Variants in ACACB observed in about 807,000 individuals in gnomAD.
ACACB encodes the protein acetyl-CoA carboxylase 2.
Under a neutral mutation model 278.8 loss-of-function variants are expected in ACACB, and 209 were observed. That is an observed-to-expected ratio of 0.75 (90% CI 0.67 to 0.84). ACACB has a LOEUF of 0.84. Among genes scored for constraint, ACACB ranks in the 40% least tolerant of loss-of-function variants. ACACB has a pLI of 0.00. For missense variants in ACACB, 2,850 were observed against 3,269.0 expected (o/e 0.87, Z 3.13); for synonymous variants, 1,174 against 1,285.6 (o/e 0.91, Z 1.86).
At chr12:109,206,074 A>G (rs2045497659) in intron 19 of ACACB, among the ~76,000 whole-genome samples, 1 of 152,134 alleles carries the variant, frequency 6.6e-6, no homozygotes, top group Non-Finnish European at 1.5e-5. Context: ...TAACTTTGGG[A>G]TTCAATAGAG....
intron 21 of ACACB, among the ~76,000 whole-genome samples, chr12:109,210,133 GTGTATATA>G (rs1406882146): frequency 1.7e-5 from 1 of 57,638 alleles, no homozygotes; most frequent in Non-Finnish European, 3.6e-5. Flanking sequence ...ACATGTATGT[GTGTATATA>G]TGTATATATA....
rs778545831 is a variant in ACACB, at chr12:109,265,162, G to A, written c.6995G>A (p.Arg2332His). The A allele has an allele frequency of 6.2e-5, 100 of 1,613,632 alleles. No individual in the cohort carries two copies. Among genetic ancestry groups the A allele is most frequent in the Middle Eastern group, 1.6e-4 (1 of 6,084 alleles). Residue 2332 changes from arginine to histidine, a missense_variant, in exon 51 of 53, where the codon CGC becomes CAC. This residue lies in a region of ACACB where 579 missense variants were observed against 684.6 expected (regional missense o/e 0.85). Transcript: ENST00000338432. ...ARTFLYWRLR[R>H]LLLEDQVKQE... Reference sequence around the variant, plus strand: ...ACCTTCCTGTATTGGCGTCTGCGCCGCCTCCTCCTGGAGGACCAGGTCAAG... The same window carrying A: ...ACCTTCCTGTATTGGCGTCTGCGCCACCTCCTCCTGGAGGACCAGGTCAAG...
rs768426669 is a variant in ACACB at position 109,232,652 on chromosome 12, T to C, written c.4002-17T>C. 6.2e-7 allele frequency: 1 copy of C among 1,609,668 alleles called. No homozygotes were observed. The highest frequency in any genetic ancestry group is 1.7e-5 in the Admixed American group (1 of 59,600). Reference sequence around the variant, plus strand: ...TGCAAGCAGCTGCCTCATCCCCGACTTGCCATCACCTTACAGGATGACCGT... The same window carrying C: ...TGCAAGCAGCTGCCTCATCCCCGACCTGCCATCACCTTACAGGATGACCGT... On this transcript the variant is annotated splice_polypyrimidine_tract_variant and intron_variant, in intron 28 of 52. Transcript: ENST00000338432.
chr12:109,249,959 CT>C, intron 40 of ACACB, 24 bp from the exon 41 acceptor site: 1 of 1,606,176 alleles, frequency 6.2e-7, no homozygotes, highest in Non-Finnish European at 8.5e-7. Flanking sequence ...AGAGCCCAGC[CT>C]TTAACCTGTG....
chr12:109,220,621 G>A (rs2046132507), intron 24 of ACACB, among the ~76,000 whole-genome samples: 1 of 152,020 alleles, frequency 6.6e-6, no homozygotes, highest in South Asian at 2.1e-4. Context: ...GCGCAATCTC[G>A]GCTCACTACA....
chr12:109,209,271 C>G lies in ACACB; in HGVS notation c.3167C>G (p.Pro1056Arg). The change falls in exon 21 of 53, where the codon CCT becomes CGT. Residue 1056 changes from proline (P) to arginine (R), a missense_variant. Coordinates refer to ENST00000338432, the MANE Select transcript of ACACB (RefSeq NM_001093.4). The stretch of plus-strand genomic sequence containing the variant: ...AGCGTGGCAGGCCGCATCCCCGCCC[C>G]TGTGGAGAAGTCTGTCCGCAGGGTG... ...MTSVAGRIPA[P>R]VEKSVRRVMA... 1 of 1,612,632 alleles carries G rather than the reference C, an allele frequency of 6.2e-7. No homozygotes were observed. The highest frequency in any genetic ancestry group is 8.5e-7 in the Non-Finnish European group (1 of 1,179,936).
In ACACB at chr12:109,194,993, C is replaced by T. The variant is rs146790178; in HGVS notation, c.2481+1264C>T. ...CTACTGGAGTCCCTGGGGCTTATTCCGGTTGCTCTCCTCTGTCAGAAGTGC... is the reference window on the plus strand; with the variant it reads ...CTACTGGAGTCCCTGGGGCTTATTCTGGTTGCTCTCCTCTGTCAGAAGTGC... On this transcript the variant is annotated intron_variant, in intron 16 of 52. Coordinates refer to ENST00000338432, the MANE Select transcript of ACACB (RefSeq NM_001093.4). Among the ~76,000 whole-genome samples, 19 of 152,222 alleles carry T rather than the reference C, an allele frequency of 1.2e-4. No individual in the cohort carries two copies. In the East Asian group the frequency reaches 2.9e-3, roughly 23 times the overall value.
rs965854358 is a variant in ACACB, at chr12:109,245,550, A to G, written c.5179-76A>G. On this transcript the variant is annotated intron_variant, in intron 37 of 52. Transcript: ENST00000338432. ...AGAATTCACCCTGGAATCATGACAG[A>G]TCATCTCTGTCTGGGAAAGATAGTT... 275 of 1,498,430 alleles carry G rather than the reference A, an allele frequency of 1.8e-4. 2 individuals carry two copies. Among genetic ancestry groups the G allele is most frequent in the South Asian group, 1.3e-3 (100 of 77,416 alleles). The allele number at this position is 1,498,430 out of a possible 1,614,324, so 92.8% of individuals were successfully genotyped here. A position where few individuals can be genotyped will look rare whatever the true frequency, so the allele number is the denominator to read the frequency against.
chr12:109,198,157 C>G (rs931332756), intron 17 of ACACB, among the ~76,000 whole-genome samples: 11 of 152,166 alleles, frequency 7.2e-5, no homozygotes, highest in African/African-American at 2.4e-4. Context: ...CTTGGCCTCC[C>G]AAAGTGCTGG....
chr12:109,260,059 A>G, intron 47 of ACACB: 1 of 1,355,584 alleles, frequency 7.4e-7, no homozygotes, highest in Admixed American at 1.9e-5. Flanking sequence ...TCTTGTTTTC[A>G]TGTAGGGTGC....
chr12:109,185,067 G>A (rs1005086553), intron 11 of ACACB, among the ~76,000 whole-genome samples: 16 of 152,112 alleles, frequency 1.1e-4, no homozygotes, highest in African/African-American at 3.4e-4. Context: ...TTCCTGGTTC[G>A]ATTCCTGCTA....
intron 16 of ACACB, among the ~76,000 whole-genome samples, chr12:109,194,158 C>T (rs942550555): frequency 2.0e-5 from 3 of 151,964 alleles, no homozygotes; most frequent in South Asian, 4.2e-4. Context: ...TTGTGGATGC[C>T]TTGCCCCAGT....
intron 19 of ACACB, among the ~76,000 whole-genome samples, chr12:109,202,854 T>C (rs1361286809): frequency 6.6e-6 from 1 of 152,236 alleles, no homozygotes; most frequent in African/African-American, 2.4e-5. Flanking sequence ...TTTTTAAAAA[T>C]TGTGGTTAAA....
At chr12:109,145,792 AGTT>A in intron 2 of ACACB, among the ~76,000 whole-genome samples, 1 of 151,742 alleles carries the variant, frequency 6.6e-6, no homozygotes, top group Admixed American at 6.6e-5. Flanking sequence ...CAAGGTCAGG[AGTT>A]TGAGACCAGC....
At chr12:109,135,967 G>A (rs2042957322) in intron 1 of ACACB, among the ~76,000 whole-genome samples, 1 of 151,940 alleles carries the variant, frequency 6.6e-6, no homozygotes, top group South Asian at 2.1e-4. Context: ...CTGCCACCAT[G>A]CCTGGCTAAA....
At chr12:109,126,568 C>T (rs1043523886) in intron 1 of ACACB, among the ~76,000 whole-genome samples, 3 of 152,098 alleles carry the variant, frequency 2.0e-5, no homozygotes, top group Non-Finnish European at 2.9e-5. Flanking sequence ...CCTGTAGTCC[C>T]AGCTATTTGG....
At chr12:109,117,741 C>T (rs1158357127) in intron 1 of ACACB, among the ~76,000 whole-genome samples, 3 of 152,198 alleles carry the variant, frequency 2.0e-5, no homozygotes, top group Non-Finnish European at 2.9e-5. Context: ...CCGGGGAATT[C>T]CCGGGACATG....
In ACACB at chr12:109,227,488, C is replaced by T. The variant is rs775480453; in HGVS notation, c.4000C>T (p.Arg1334Trp). Residue 1334 changes from arginine (R) to tryptophan (W), a missense_variant and splice_region_variant, in exon 28 of 53, where the codon CGG becomes TGG. Around this residue, in one of 3 missense-constraint regions of ACACB, gnomAD observed 2,265 missense variants for 2,561.3 expected, o/e 0.88. Coordinates refer to ENST00000338432, the MANE Select transcript of ACACB (RefSeq NM_001093.4). ...QFMLPSSHPN[R>W]MTVPISITNP... The stretch of plus-strand genomic sequence containing the variant: ...CATGCTGCCGTCCTCCCACCCAAAC[C>T]GGTATGGAGTGGGACACACCCAGGG... The T allele has an allele frequency of 1.4e-5, 22 of 1,613,644 alleles. No homozygotes were observed. The highest frequency in any genetic ancestry group is 5.3e-5 in the African/African-American group (4 of 74,920).
chr12:109,222,421 G>C (rs943827264), intron 24 of ACACB, 86 bp from the exon 25 acceptor site: 8 of 1,257,742 alleles, frequency 6.4e-6, no homozygotes, highest in Non-Finnish European at 9.2e-6. Flanking sequence ...TGGCTTTTGC[G>C]GCAGGTGCTC....
Sources: gnomAD v4.1 joint callset for allele counts (sites outside exome capture counted in the v4.1 genomes callset) on GRCh38, gnomAD v4.1.1 for gene constraint, gnomAD v4.1.1 regional missense constraint, MANE v1.5 for transcripts, NCBI Gene and HGNC (gene_info 2026-07-23, HGNC 2026-07-21) for gene names.